The following MFF variants were observed in gnomAD, a reference collection of about 807,000 sequenced individuals.
The protein encoded by MFF is mitochondrial fission factor, also known as chromosome 2 open reading frame 33.
MFF carries 12 observed loss-of-function variants against 36.9 expected under a neutral mutation model. That is an observed-to-expected ratio of 0.33 (90% CI 0.21 to 0.53). The LOEUF (loss-of-function observed/expected upper bound fraction) is 0.53, where lower values mean the gene tolerates loss of function less well. MFF is among the 20% of genes least tolerant of loss of function. The probability of loss-of-function intolerance (pLI) is 0.95; values close to 1 mark genes in which losing one functional copy is unlikely to be tolerated. For synonymous variants in MFF, 99 were observed against 126.2 expected (o/e 0.78, Z 1.44); for missense variants, 348 against 366.6 (o/e 0.95, Z 0.42).
intron 7 of MFF, among the ~76,000 whole-genome samples, chr2:227,354,252 CAA>C (rs1351064919): frequency 2.6e-5 from 4 of 152,208 alleles, no homozygotes; most frequent in Middle Eastern, 3.4e-3. Flanking sequence ...ATATTTAAAA[CAA>C]AAGGATTTTC....
chr2:227,337,157 C>T (rs955995469), intron 4 of MFF, among the ~76,000 whole-genome samples: 4 of 152,208 alleles, frequency 2.6e-5, no homozygotes, highest in Admixed American at 2.0e-4. Context: ...CAGAGATGGA[C>T]ACTTGCGTTC....
intron 6 of MFF, among the ~76,000 whole-genome samples, chr2:227,349,339 A>G (rs1043431273): frequency 1.3e-5 from 2 of 152,094 alleles, no homozygotes; most frequent in Non-Finnish European, 2.9e-5. Flanking sequence ...TCGTATTAGT[A>G]TAAACTTTGT....
At chr2:227,327,857 C>G (rs748972029) in intron 1 of MFF, among the ~76,000 whole-genome samples, 3 of 152,074 alleles carry the variant, frequency 2.0e-5, no homozygotes, top group Non-Finnish European at 4.4e-5. Context: ...AGTGTTAGTT[C>G]TGAATATGAG....
chr2:227,330,770 C>T lies in MFF; in HGVS notation c.105C>T (p.Asp35=), dbSNP rs376950568. Residue 35 remains aspartate, a synonymous_variant, in exon 3 of 9, where the codon GAC becomes GAT. Coordinates refer to ENST00000304593, the MANE Select transcript of MFF (RefSeq NM_001277062.2). The part of the protein sequence containing the change: ...EKLKVAPPNA[D]LEQGFQEGVP... ...TAAAAGTAGCACCGCCAAACGCTGACCTGGAACAAGGATTCCAAGAAGGAG... is the reference window on the plus strand; with the variant it reads ...TAAAAGTAGCACCGCCAAACGCTGATCTGGAACAAGGATTCCAAGAAGGAG... 4 of 1,614,160 alleles carry T rather than the reference C, an allele frequency of 2.5e-6. No homozygotes were observed. Among genetic ancestry groups the T allele is most frequent in the Non-Finnish European group, 3.4e-6 (4 of 1,179,986 alleles).
At chr2:227,333,827 T>C (rs990514980) in intron 4 of MFF, among the ~76,000 whole-genome samples, 1 of 152,238 alleles carries the variant, frequency 6.6e-6, no homozygotes, top group African/African-American at 2.4e-5. Context: ...CTCCTTATTG[T>C]ATTCTTCGGG....
At chr2:227,326,851 ACAGT>A (rs1490835736) in intron 1 of MFF, among the ~76,000 whole-genome samples, 1 of 152,256 alleles carries the variant, frequency 6.6e-6, no homozygotes, top group South Asian at 2.1e-4. Context: ...ATTTGCAACC[ACAGT>A]CAGTTTGACT....
intron 6 of MFF, among the ~76,000 whole-genome samples, chr2:227,349,207 A>G (rs920643451): frequency 1.1e-4 from 16 of 152,082 alleles, no homozygotes; most frequent in Admixed American, 4.6e-4. Context: ...ATTTGTCCCA[A>G]TTCCCCCTCA....
intron 6 of MFF, 138 bp from the exon 7 acceptor site, chr2:227,352,376 G>C (rs958211639): frequency 1.6e-6 from 1 of 637,422 alleles, no homozygotes; most frequent in Non-Finnish European, 2.8e-6. Context: ...TTTTAAAGTA[G>C]TTGAGAGATA....
chr2:227,350,443 CTTGA>C (rs1287669248), intron 6 of MFF, among the ~76,000 whole-genome samples: 3 of 152,102 alleles, frequency 2.0e-5, no homozygotes, highest in Non-Finnish European at 2.9e-5. Flanking sequence ...TTACGAGGGG[CTTGA>C]TTATTTTTAT....
intron 4 of MFF, among the ~76,000 whole-genome samples, chr2:227,338,004 A>G (rs112161981): frequency 0.026 from 4,010 of 151,888 alleles, 184 homozygotes; most frequent in African/African-American, 0.092. Context: ...AGATTGTGCC[A>G]CTGTACTCCA....
At chr2:227,353,850 A>C (rs1002977372) in intron 7 of MFF, among the ~76,000 whole-genome samples, 1 of 152,204 alleles carries the variant, frequency 6.6e-6, no homozygotes. Flanking sequence ...TGTTCAGTTC[A>C]GATCCCTTTA....
intron 5 of MFF, among the ~76,000 whole-genome samples, chr2:227,345,991 G>A (rs2075689984): frequency 1.3e-5 from 2 of 152,128 alleles, no homozygotes; most frequent in South Asian, 2.1e-4. Context: ...TGGTACTTCT[G>A]TCTTTGGATC....
At chr2:227,339,919 A>C (rs2075292341) in intron 4 of MFF, among the ~76,000 whole-genome samples, 1 of 152,226 alleles carries the variant, frequency 6.6e-6, no homozygotes, top group Non-Finnish European at 1.5e-5. Context: ...GATGCTCTCC[A>C]TTTCCTATAT....
Position 227,357,185 on chromosome 2 carries a change from G to T in MFF, c.*68G>T. 6.5e-7 allele frequency: 1 copy of T among 1,545,518 alleles called. No individual in the cohort carries two copies. The highest frequency in any genetic ancestry group is 1.2e-5 in the South Asian group (1 of 85,854). On this transcript the variant is annotated 3_prime_UTR_variant, in exon 9 of 9. Transcript: ENST00000304593. ...ATATAAAAGATTTGCAAACTTCTTT[G>T]TTTCTGTCTCTGCATTGTATGCCAT...
intron 4 of MFF, among the ~76,000 whole-genome samples, chr2:227,337,201 A>C (rs1197002324): frequency 1.3e-5 from 2 of 152,240 alleles, no homozygotes; most frequent in Non-Finnish European, 2.9e-5. Context: ...CCCTCTTAGC[A>C]CAAGCATGGT....
rs768479084 is a variant in MFF at position 227,342,727 on chromosome 2, G to A, written c.440+2347G>A. ...TATAAAAGCTGAATATGTAAAAGAA[G>A]CATAATTATTATTTAAGGTGGCACA... is the stretch of plus-strand genomic sequence containing the variant. On this transcript the variant is annotated intron_variant, in intron 5 of 8. Coordinates refer to ENST00000304593, the MANE Select transcript of MFF (RefSeq NM_001277062.2). 8.2e-6 allele frequency: 13 copies of A among 1,593,822 alleles called. No individual in the cohort carries two copies. In the South Asian group the frequency reaches 8.9e-5, roughly 11 times the overall value.
At chr2:227,343,321 C>T (rs1261772720) in intron 5 of MFF, among the ~76,000 whole-genome samples, 1 of 152,150 alleles carries the variant, frequency 6.6e-6, no homozygotes, top group Non-Finnish European at 1.5e-5. Flanking sequence ...TAAACCCACT[C>T]TTTCCATGTG....
intron 8 of MFF, among the ~76,000 whole-genome samples, chr2:227,356,514 A>G (rs1411065725): frequency 1.3e-5 from 2 of 151,976 alleles, no homozygotes; most frequent in Admixed American, 6.6e-5. Context: ...ATTTTATTGG[A>G]TTGTCTCAGT....
chr2:227,330,575 G>A, intron 2 of MFF, 51 bp from the exon 3 acceptor site: 1 of 1,242,060 alleles, frequency 8.1e-7, no homozygotes, highest in Non-Finnish European at 1.1e-6. Flanking sequence ...ACTGCGTAGA[G>A]GAGACTGACA....
Sources: gnomAD v4.1 joint callset for allele counts (sites outside exome capture counted in the v4.1 genomes callset) on GRCh38, gnomAD v4.1.1 for gene constraint, MANE v1.5 for transcripts, NCBI Gene and HGNC (gene_info 2026-07-23, HGNC 2026-07-21) for gene names.